Variants in STIP1 observed in about 807,000 individuals in gnomAD.
STIP1 encodes stress-induced-phosphoprotein 1.
STIP1 carries 16 observed loss-of-function variants against 77.4 expected under a neutral mutation model. That is an observed-to-expected ratio of 0.21 (90% CI 0.14 to 0.31). The LOEUF is 0.31. STIP1 is among the 10% of genes least tolerant of loss of function. The pLI, the probability that STIP1 is intolerant of heterozygous loss-of-function variation, is 1.00. For synonymous variants in STIP1, 258 were observed against 246.6 expected, an observed-to-expected ratio of 1.05 and a Z score of -0.44; for missense variants, 524 against 684.8, an observed-to-expected ratio of 0.77 and a Z score of 2.62.
chr11:64,186,321 G>A lies in STIP1; in HGVS notation c.9+51G>A, dbSNP rs775776704. On this transcript the variant is annotated intron_variant, in intron 1 of 13. Transcript: ENST00000305218. ...CCCCGAGCCTGCTCGGGGACCGGCG[G>A]TGGCCAGGCCGCGGTAGGGGGGCGG... is the stretch of plus-strand genomic sequence containing the variant. 3 of 1,476,094 alleles carry A rather than the reference G, an allele frequency of 2.0e-6. No homozygotes were observed. The African/African-American group carries it at 4.3e-5, about 21-fold the overall frequency. 91.4% of individuals were successfully genotyped at this position (1,476,094 alleles called of 1,614,324 possible).
At chr11:64,192,964 C>A in intron 1 of STIP1, 114 bp from the exon 2 acceptor site, 1 of 996,222 alleles carries the variant, frequency 1.0e-6, no homozygotes. Flanking sequence ...CTCTTCTGAT[C>A]TGTAAAGTCA....
intron 5 of STIP1, 93 bp from the exon 6 acceptor site, chr11:64,197,178 T>A: frequency 6.5e-7 from 1 of 1,530,454 alleles, no homozygotes; most frequent in South Asian, 1.2e-5. Context: ...TCTATTCATG[T>A]TAGTTGCATT....
chr11:64,201,450 G>A (rs1027823734), intron 10 of STIP1, among the ~76,000 whole-genome samples: 13 of 152,188 alleles, frequency 8.5e-5, no homozygotes, highest in Non-Finnish European at 5.9e-5. Flanking sequence ...GTCATATCAA[G>A]TTAGGTCAAA....
chr11:64,195,903 C>A, intron 5 of STIP1, 90 bp downstream of exon 5: 1 of 1,558,536 alleles, frequency 6.4e-7, no homozygotes, highest in Non-Finnish European at 8.8e-7. Context: ...CCTTGATTGA[C>A]CATGATTATT....
At position 64,197,845 on chromosome 11, in the gene STIP1, C is replaced by T. The variant is rs1268343326; in HGVS notation, c.903-9C>T. On this transcript the variant is annotated splice_polypyrimidine_tract_variant and intron_variant, in intron 7 of 13. Coordinates refer to ENST00000305218, the MANE Select transcript of STIP1 (RefSeq NM_006819.3). The stretch of plus-strand genomic sequence containing the variant: ...TCCTAAGCAGTCCTTGTCCCTCTTT[C>T]TTTATCAGAGCATATGCTCGAATTG... 1 of 1,610,964 alleles carries T rather than the reference C, an allele frequency of 6.2e-7. No homozygotes were observed. Among genetic ancestry groups the T allele is most frequent in the Non-Finnish European group, 8.5e-7 (1 of 1,179,484 alleles).
At chr11:64,195,911 A>T in intron 5 of STIP1, 98 bp downstream of exon 5, 3 of 1,542,218 alleles carry the variant, frequency 1.9e-6, no homozygotes, top group Non-Finnish European at 2.7e-6. Flanking sequence ...GACCATGATT[A>T]TTATGGTTTT....
upstream of STIP1, chr11:64,185,636 A>T: frequency 2.7e-6 from 2 of 730,066 alleles, no homozygotes; most frequent in Admixed American, 6.0e-5. Flanking sequence ...AGCGAGAGGG[A>T]AAGCAACCCA....
chr11:64,198,753 GTTTTTTT>G (rs371481270), intron 8 of STIP1, among the ~76,000 whole-genome samples: 1 of 111,060 alleles, frequency 9.0e-6, no homozygotes, highest in African/African-American at 3.5e-5. Context: ...TTTTTTTGTG[GTTTTTTT>G]TTTTTTTTTT....
At chr11:64,198,000 TTTC>T in intron 8 of STIP1, 26 bp downstream of exon 8, 1 of 1,586,762 alleles carries the variant, frequency 6.3e-7, no homozygotes, top group Non-Finnish European at 8.6e-7. Context: ...ATAGGGGTAT[TTTC>T]TTGTTTTCCT....
chr11:64,197,818 T>C, intron 7 of STIP1, 36 bp from the exon 8 acceptor site: 1 of 1,598,576 alleles, frequency 6.3e-7, no homozygotes, highest in Non-Finnish European at 8.5e-7. Context: ...TTTATCTCTC[T>C]GTCCTAAGCA....
chr11:64,190,855 C>T (rs968794046), intron 1 of STIP1, among the ~76,000 whole-genome samples: 1 of 151,942 alleles, frequency 6.6e-6, no homozygotes, highest in African/African-American at 2.4e-5. Flanking sequence ...AAACATTTAG[C>T]CAGGCATGGT....
intron 3 of STIP1, 74 bp from the exon 4 acceptor site, chr11:64,194,405 G>A: frequency 6.2e-7 from 1 of 1,610,712 alleles, no homozygotes; most frequent in Non-Finnish European, 8.5e-7. Context: ...AGAAATGTCA[G>A]TCTGGTAGGG....
chr11:64,194,287 T>C lies in STIP1; in HGVS notation c.318T>C (p.Pro106=). The C allele has an allele frequency of 1.2e-6, 2 of 1,614,170 alleles. No individual in the cohort carries two copies. Among genetic ancestry groups the C allele is most frequent in the Non-Finnish European group, 1.7e-6 (2 of 1,180,026 alleles). ...EEGLKHEANN[P]QLKEGLQNME... ...GCTTAAAACACGAGGCAAATAACCC[T>C]CAACTGAAAGAGGGTTTACAGAATA... Residue 106 remains proline, a synonymous_variant, in exon 3 of 14, where the codon CCT becomes CCC. Coordinates refer to ENST00000305218, the MANE Select transcript of STIP1 (RefSeq NM_006819.3).
At position 64,193,160 on chromosome 11, in the gene STIP1, T is replaced by A; in HGVS notation, c.92T>A (p.Ile31Asn). The change falls in exon 2 of 14, where the codon ATT (isoleucine) becomes AAT (asparagine). Residue 31 changes from isoleucine (I) to asparagine (N), a missense_variant. By Grantham distance (149) the Ile-to-Asn change is moderately radical. Coordinates refer to ENST00000305218, the MANE Select transcript of STIP1 (RefSeq NM_006819.3). ...GCCTTACAGTGCTACTCCGAAGCTA[T>A]TAAGCTGGATCCCCACAACCACGTG... is the stretch of plus-strand genomic sequence containing the variant. The part of the protein sequence containing the change: ...DDALQCYSEA[I>N]KLDPHNHVLY... 2 of 1,614,188 alleles carry A rather than the reference T, an allele frequency of 1.2e-6. No homozygotes were observed.
chr11:64,193,557 G>A, intron 2 of STIP1: 1 of 438,402 alleles, frequency 2.3e-6, no homozygotes, highest in Non-Finnish European at 4.2e-6. Flanking sequence ...GCTGAGGTGG[G>A]CGGATCACTT....
chr11:64,194,289 A>T lies in STIP1; in HGVS notation c.320A>T (p.Gln107Leu). 8.7e-6 allele frequency: 14 copies of T among 1,614,208 alleles called. No homozygotes were observed. Among genetic ancestry groups the T allele is most frequent in the Non-Finnish European group, 1.2e-5 (14 of 1,180,042 alleles). Residue 107 changes from glutamine to leucine, a missense_variant, in exon 3 of 14, where the codon CAA becomes CTA. Transcript: ENST00000305218. ...EGLKHEANNP[Q>L]LKEGLQNMEA... is the part of the protein sequence containing the mutation. ...TTAAAACACGAGGCAAATAACCCTC[A>T]ACTGAAAGAGGGTTTACAGAATATG...
intron 10 of STIP1, among the ~76,000 whole-genome samples, chr11:64,200,932 G>A (rs1452059366): frequency 2.0e-5 from 3 of 151,476 alleles, no homozygotes; most frequent in Non-Finnish European, 2.9e-5. Flanking sequence ...TTACCATGTT[G>A]GCCAGGCTGG....
rs534621434 is a variant in STIP1, at chr11:64,203,864, C to T, written c.1560-190C>T. 33 of 787,184 alleles carry T rather than the reference C, an allele frequency of 4.2e-5. No individual in the cohort carries two copies. In the Admixed American group the frequency reaches 6.1e-4, roughly 15 times the overall value. 48.8% of individuals were successfully genotyped at this position (787,184 alleles called of 1,614,324 possible). ...GAAAGGTCTTGACTGGAAGCTGTGT[C>T]GTGGGCTCAAGAGTAGGACTGGCAA... On this transcript the variant is annotated intron_variant, in intron 13 of 13. Coordinates refer to ENST00000305218, the MANE Select transcript of STIP1 (RefSeq NM_006819.3).
At chr11:64,198,753 G>GTTTTTTTTTTTT (rs371481270) in intron 8 of STIP1, among the ~76,000 whole-genome samples, 1 of 111,024 alleles carries the variant, frequency 9.0e-6, no homozygotes, top group Admixed American at 9.9e-5. Context: ...TTTTTTTGTG[G>GTTTTTTTTTTTT]TTTTTTTTTT....
Sources: gnomAD v4.1 joint callset for allele counts (sites outside exome capture counted in the v4.1 genomes callset) on GRCh38, gnomAD v4.1.1 for gene constraint, MANE v1.5 for transcripts, NCBI Gene and HGNC (gene_info 2026-07-23, HGNC 2026-07-21) for gene names.